The following CSMD1 variants were observed in gnomAD, a reference collection of about 807,000 sequenced individuals.
The protein encoded by CSMD1 is CUB and sushi domain-containing protein 1.
Under a neutral mutation model 417.5 loss-of-function variants are expected in CSMD1, and 213 were observed. The ratio of observed to expected loss-of-function variants is 0.51; its 90% CI spans 0.46 to 0.57. The LOEUF (loss-of-function observed/expected upper bound fraction) is 0.57, where lower values mean the gene tolerates loss of function less well. Among genes scored for constraint, CSMD1 ranks in the 20% least tolerant of loss-of-function variants. The pLI is 0.00. For missense variants in CSMD1, 6,923 were observed against 4,529.7 expected (o/e 1.53, Z -15.17); for synonymous variants, 2,862 against 1,736.8 (o/e 1.65, Z -16.11).
At chr8:3,536,163 G>C (rs1367080751) in intron 10 of CSMD1, among the ~76,000 whole-genome samples, 3 of 152,196 alleles carry the variant, frequency 2.0e-5, no homozygotes, top group Admixed American at 1.3e-4. Flanking sequence ...TTACATAGGA[G>C]AGCACGGGGC....
intron 2 of CSMD1, among the ~76,000 whole-genome samples, chr8:4,590,889 G>C (rs1043698532): frequency 6.6e-6 from 1 of 152,120 alleles, no homozygotes; most frequent in Non-Finnish European, 1.5e-5. Flanking sequence ...AGAACTCATC[G>C]TACACATTTC....
rs115257316 is a variant in CSMD1 at position 4,085,061 on chromosome 8, G to C, written c.416-52962C>G. 5.3e-3 allele frequency among the ~76,000 whole-genome samples: 806 copies of C among 152,268 alleles called. 6 individuals carry two copies. Among genetic ancestry groups the C allele is most frequent in the African/African-American group, 0.018 (768 of 41,556 alleles). ...TTCTAAAGTTCATAAGCAATATGTTGCCAAAGGAAGTGAATGTGTTTATAA... is the reference window on the plus strand; with the variant it reads ...TTCTAAAGTTCATAAGCAATATGTTCCCAAAGGAAGTGAATGTGTTTATAA... On this transcript the variant is annotated intron_variant, in intron 3 of 69. Coordinates refer to ENST00000635120, the MANE Select transcript of CSMD1 (RefSeq NM_033225.6).
At chr8:4,908,735 T>TTTCC (rs1436447453) in intron 1 of CSMD1, among the ~76,000 whole-genome samples, 347 of 151,516 alleles carry the variant, frequency 2.3e-3, no homozygotes, top group African/African-American at 7.6e-3. Context: ...TGTTATTTTC[T>TTTCC]AGTAATTCAT....
intron 23 of CSMD1, among the ~76,000 whole-genome samples, chr8:3,335,636 A>G (rs1316823367): frequency 3.3e-5 from 5 of 152,176 alleles, no homozygotes; most frequent in African/African-American, 4.8e-5. Flanking sequence ...AGCTCGTGCC[A>G]TTGCACTCCA....
chr8:3,772,751 C>G (rs1177761760), intron 5 of CSMD1, among the ~76,000 whole-genome samples: 1 of 149,408 alleles, frequency 6.7e-6, no homozygotes, highest in East Asian at 1.9e-4. Context: ...TACCTTCATT[C>G]AGCAAATATT....
chr8:3,579,486 A>C (rs543183147), intron 9 of CSMD1, among the ~76,000 whole-genome samples: 1 of 152,358 alleles, frequency 6.6e-6, no homozygotes, highest in Non-Finnish European at 1.5e-5. Flanking sequence ...GAGTCGCATT[A>C]GAAGCTTTTT....
At chr8:4,440,901 G>T (rs546195965) in intron 2 of CSMD1, among the ~76,000 whole-genome samples, 3 of 151,212 alleles carry the variant, frequency 2.0e-5, no homozygotes, top group African/African-American at 7.3e-5. Context: ...GGAGACTGAG[G>T]CATGAGAATC....
intron 3 of CSMD1, among the ~76,000 whole-genome samples, chr8:4,132,271 T>C (rs1033217428): frequency 3.3e-5 from 5 of 151,514 alleles, no homozygotes; most frequent in African/African-American, 1.2e-4. Context: ...ATGAAAATTT[T>C]ATCCAAGGTG....
chr8:4,087,299 T>G (rs1244722209), intron 3 of CSMD1, among the ~76,000 whole-genome samples: 1 of 152,198 alleles, frequency 6.6e-6, no homozygotes, highest in Non-Finnish European at 1.5e-5. Context: ...TTCTCCTTCC[T>G]GCAGGTGATT....
intron 5 of CSMD1, among the ~76,000 whole-genome samples, chr8:3,863,125 C>T (rs1281016999): frequency 1.3e-5 from 2 of 152,052 alleles, no homozygotes; most frequent in Admixed American, 6.6e-5. Context: ...AGGTCGGGCG[C>T]GGTGGCTAAT....
chr8:3,494,293 G>C (rs894348489), intron 10 of CSMD1, among the ~76,000 whole-genome samples: 2 of 152,048 alleles, frequency 1.3e-5, no homozygotes, highest in Non-Finnish European at 2.9e-5. Context: ...CAAGACATCT[G>C]TACAACAATG....
At chr8:4,550,553 A>AT (rs1346091730) in intron 2 of CSMD1, among the ~76,000 whole-genome samples, 2 of 152,174 alleles carry the variant, frequency 1.3e-5, no homozygotes, top group African/African-American at 4.8e-5. Flanking sequence ...GATAAAGTTT[A>AT]TTTTTTGAAA....
At chr8:4,226,148 T>C (rs1353184014) in intron 3 of CSMD1, among the ~76,000 whole-genome samples, 1 of 152,008 alleles carries the variant, frequency 6.6e-6, no homozygotes, top group African/African-American at 2.4e-5. Context: ...GAGTTTCATT[T>C]TTCTGTTACT....
intron 20 of CSMD1, among the ~76,000 whole-genome samples, chr8:3,361,383 C>T (rs1344677410): frequency 6.6e-6 from 1 of 151,982 alleles, no homozygotes. Context: ...AATCTCAGCA[C>T]TTTGGGAGGC....
chr8:4,222,677 C>T (rs1287981294), intron 3 of CSMD1, among the ~76,000 whole-genome samples: 2 of 152,162 alleles, frequency 1.3e-5, no homozygotes, highest in African/African-American at 4.8e-5. Context: ...TTCAGTAACA[C>T]AACTATTCAG....
At chr8:3,229,549 ACCT>A (rs756421488) in intron 27 of CSMD1, among the ~76,000 whole-genome samples, 1 of 151,992 alleles carries the variant, frequency 6.6e-6, no homozygotes, top group Non-Finnish European at 1.5e-5. Flanking sequence ...TCAGAAACAA[ACCT>A]CCTTTTATCT....
intron 52 of CSMD1, among the ~76,000 whole-genome samples, chr8:3,014,907 C>A (rs1198313233): frequency 1.4e-5 from 2 of 147,186 alleles, no homozygotes; most frequent in Middle Eastern, 3.2e-3. Flanking sequence ...CACAGTGAGA[C>A]CCTGTCTCAA....
chr8:4,861,072 G>C (rs1386209493), intron 1 of CSMD1, among the ~76,000 whole-genome samples: 5 of 151,960 alleles, frequency 3.3e-5, no homozygotes, highest in African/African-American at 9.7e-5. Flanking sequence ...TTGTTCTAAA[G>C]CTCCAGAATC....
intron 5 of CSMD1, among the ~76,000 whole-genome samples, chr8:3,797,306 C>T (rs1800210224): frequency 6.6e-6 from 1 of 151,876 alleles, no homozygotes; most frequent in South Asian, 2.1e-4. Flanking sequence ...ACGCACATGT[C>T]TTTGTTATAT....
Sources: gnomAD v4.1 joint callset for allele counts (sites outside exome capture counted in the v4.1 genomes callset) on GRCh38, gnomAD v4.1.1 for gene constraint, MANE v1.5 for transcripts, NCBI Gene and HGNC (gene_info 2026-07-23, HGNC 2026-07-21) for gene names.